The following FBLN7 variants were observed in gnomAD, a reference collection of about 807,000 sequenced individuals.
FBLN7 encodes the protein fibulin 7, also known as fibulin-7.
Under a neutral mutation model 44.0 loss-of-function variants are expected in FBLN7, and 31 were observed. That is an observed-to-expected ratio of 0.70 (90% CI 0.53 to 0.95). FBLN7 has a LOEUF of 0.95. Among genes scored for constraint, FBLN7 ranks in the 40% least tolerant of loss-of-function variants. The pLI is 0.00. For synonymous variants in FBLN7, 262 were observed against 253.4 expected (o/e 1.03, Z -0.32); for missense variants, 573 against 618.5 (o/e 0.93, Z 0.78).
At chr2:112,238,245 T>C in the FBLN7 span, 2 of 1,454,570 alleles carry the variant, frequency 1.4e-6, no homozygotes, top group Non-Finnish European at 1.9e-6. Flanking sequence ...AAAAATCCTC[T>C]GTCCGTATAT....
At chr2:112,164,664 G>A (rs1463972199) in intron 2 of FBLN7, among the ~76,000 whole-genome samples, 1 of 152,244 alleles carries the variant, frequency 6.6e-6, no homozygotes, top group African/African-American at 2.4e-5. Flanking sequence ...GAAACCCAGG[G>A]GGGCTGGAGC....
At chr2:112,199,183 C>A in the FBLN7 span, among the ~76,000 whole-genome samples, 1 of 152,194 alleles carries the variant, frequency 6.6e-6, no homozygotes, top group African/African-American at 2.4e-5. Context: ...TCAAGGCGGT[C>A]CCCCTGAGAA....
At chr2:112,185,112 A>G in intron 6 of FBLN7, 89 bp from the exon 7 acceptor site, 3 of 1,525,358 alleles carry the variant, frequency 2.0e-6, no homozygotes, top group Non-Finnish European at 2.7e-6. Context: ...GCACCACATT[A>G]CAGGACCTGC....
At chr2:112,180,692 G>A (rs1021686844) in intron 4 of FBLN7, among the ~76,000 whole-genome samples, 1 of 152,076 alleles carries the variant, frequency 6.6e-6, no homozygotes, top group Non-Finnish European at 1.5e-5. Flanking sequence ...AGGCCGAGGT[G>A]GGCAGATCAC....
chr2:112,238,411 TG>T, the FBLN7 span: 1 of 1,613,766 alleles, frequency 6.2e-7, no homozygotes, highest in Non-Finnish European at 8.5e-7. Context: ...TGAAGCTCTT[TG>T]GCAAAATTAT....
At chr2:112,181,467 C>T (rs1682986522) in intron 4 of FBLN7, among the ~76,000 whole-genome samples, 1 of 152,128 alleles carries the variant, frequency 6.6e-6, no homozygotes, top group African/African-American at 2.4e-5. Flanking sequence ...GGATTTGCCC[C>T]AGCTGTCCTT....
chr2:112,182,147 C>T, intron 5 of FBLN7: 1 of 465,664 alleles, frequency 2.1e-6, no homozygotes, highest in Non-Finnish European at 3.8e-6. Flanking sequence ...TTGAGACCCT[C>T]CATCCCCTCC....
At chr2:112,201,881 C>G in the FBLN7 span, among the ~76,000 whole-genome samples, 1 of 152,188 alleles carries the variant, frequency 6.6e-6, no homozygotes, top group Admixed American at 6.5e-5. Context: ...GGCTTACAGT[C>G]TGTGGGCATA....
At chr2:112,236,482 C>T in the FBLN7 span, 15 of 1,553,282 alleles carry the variant, frequency 9.7e-6, no homozygotes, top group Admixed American at 4.1e-5. Flanking sequence ...TATCACATAG[C>T]ACTTCTTGTC....
At chr2:112,228,446 G>A in the FBLN7 span, among the ~76,000 whole-genome samples, 1 of 151,232 alleles carries the variant, frequency 6.6e-6, no homozygotes, top group Non-Finnish European at 1.5e-5. Flanking sequence ...AGGTTGCAGT[G>A]AGCCGAGACT....
downstream of FBLN7, chr2:112,190,015 C>T (rs1683433900): frequency 6.6e-6 from 1 of 152,106 alleles, no homozygotes; most frequent in Non-Finnish European, 1.5e-5. Context: ...TAATCTGTAG[C>T]AGTGGGTCTC....
At position 112,168,969 on chromosome 2, in the gene FBLN7, G is replaced by A. The variant is rs191922513; in HGVS notation, c.406+3798G>A. Among the ~76,000 whole-genome samples the A allele has an allele frequency of 2.5e-3, 379 of 152,174 alleles. 4 individuals carry two copies. Among genetic ancestry groups the A allele is most frequent in the Middle Eastern group, 0.017 (5 of 294 alleles). ...AAGGAAATTGTGTGTACACAATTAC[G>A]CCATTAAAAAACAGCAGGCAGGCCA... On this transcript the variant is annotated intron_variant, in intron 3 of 7. Coordinates refer to ENST00000331203, the MANE Select transcript of FBLN7 (RefSeq NM_153214.3).
At chr2:112,181,912 A>C (rs1229507810) in intron 5 of FBLN7, 36 bp downstream of exon 5, 1 of 1,524,984 alleles carries the variant, frequency 6.6e-7, no homozygotes, top group East Asian at 2.5e-5. Context: ...TGGGGACAGC[A>C]CGGGGAGGAC....
At chr2:112,226,090 A>G in the FBLN7 span, among the ~76,000 whole-genome samples, 1 of 152,094 alleles carries the variant, frequency 6.6e-6, no homozygotes. Context: ...TCAAAAAAAA[A>G]AGAAAATCTT....
the FBLN7 span, among the ~76,000 whole-genome samples, chr2:112,237,285 A>C: frequency 6.6e-6 from 1 of 152,240 alleles, no homozygotes; most frequent in Admixed American, 6.5e-5. Context: ...CAGTCTTATA[A>C]GTTCTAAGGC....
chr2:112,230,861 T>C, the FBLN7 span: 1 of 1,245,994 alleles, frequency 8.0e-7, no homozygotes, highest in Non-Finnish European at 1.1e-6. Context: ...TCTGGAGATG[T>C]TCAGACAAGA....
chr2:112,242,744 G>A, the FBLN7 span, among the ~76,000 whole-genome samples: 23 of 152,000 alleles, frequency 1.5e-4, no homozygotes, highest in Non-Finnish European at 5.9e-5. Flanking sequence ...CAACTCACAA[G>A]AGAGTAACAG....
intron 3 of FBLN7, among the ~76,000 whole-genome samples, chr2:112,167,286 G>A (rs1158763195): frequency 1.3e-5 from 2 of 152,170 alleles, no homozygotes; most frequent in Non-Finnish European, 2.9e-5. Flanking sequence ...AAACACTGGA[G>A]GCCCAGGAAC....
chr2:112,180,385 CTG>C (rs1157309685), intron 4 of FBLN7, among the ~76,000 whole-genome samples: 2 of 152,150 alleles, frequency 1.3e-5, no homozygotes, highest in African/African-American at 4.8e-5. Context: ...CCCTTATACA[CTG>C]TTGGTGGGAG....
Sources: gnomAD v4.1 joint callset for allele counts (sites outside exome capture counted in the v4.1 genomes callset) on GRCh38, gnomAD v4.1.1 for gene constraint, MANE v1.5 for transcripts, NCBI Gene and HGNC (gene_info 2026-07-23, HGNC 2026-07-21) for gene names.